PCDHGA3: variants seen among roughly 807,000 people sequenced by gnomAD.
PCDHGA3 encodes protocadherin gamma subfamily A, 3.
A neutral mutation model predicts 58.5 loss-of-function variants in PCDHGA3; 40 were observed. That is an observed-to-expected ratio of 0.68 (90% CI 0.53 to 0.89). The LOEUF is 0.89. PCDHGA3 is among the 40% of genes least tolerant of loss of function. The pLI is 0.00. For missense variants in PCDHGA3, 1,223 were observed against 1,195.9 expected, an observed-to-expected ratio of 1.02 and a Z score of -0.33; for synonymous variants, 530 against 525.7, an observed-to-expected ratio of 1.01 and a Z score of -0.11.
chr5:141,395,241 A>T (rs1398967812), intron 1 of PCDHGA3: 1 of 1,571,196 alleles, frequency 6.4e-7, no homozygotes, highest in East Asian at 2.3e-5. Context: ...TGGTCAGGTG[A>T]GTTTAGTTCT....
intron 1 of PCDHGA3, among the ~76,000 whole-genome samples, chr5:141,354,818 G>A (rs1468435577): frequency 6.6e-6 from 1 of 152,144 alleles, no homozygotes; most frequent in Non-Finnish European, 1.5e-5. Flanking sequence ...AAAGTTTATT[G>A]TACAGGAAGA....
intron 1 of PCDHGA3, chr5:141,405,103 G>T (rs368202826): frequency 3.1e-6 from 5 of 1,613,804 alleles, no homozygotes; most frequent in Non-Finnish European, 4.2e-6. Flanking sequence ...TCAGGCTGAG[G>T]CACTGGCACT....
Position 141,486,772 on chromosome 5 carries a change from T to A in PCDHGA3, c.2425-8035T>A. ...ATGAGCAAACCCAGACACTGCAGTT[T>A]GAGGTGCAGGCCCGGGATCGGGGCA... is the stretch of plus-strand genomic sequence containing the variant. On this transcript the variant is annotated intron_variant, in intron 1 of 3. Coordinates refer to ENST00000253812, the MANE Select transcript of PCDHGA3 (RefSeq NM_018916.4). The surrounding 1 kb of genome is among the most constrained non-coding windows in gnomAD (Gnocchi z 5.0). 1 of 1,614,246 alleles carries A rather than the reference T, an allele frequency of 6.2e-7. No homozygotes were observed. Among genetic ancestry groups the A allele is most frequent in the South Asian group, 1.1e-5 (1 of 91,088 alleles).
At chr5:141,415,285 G>T in intron 1 of PCDHGA3, 1 of 1,614,216 alleles carries the variant, frequency 6.2e-7, no homozygotes. Flanking sequence ...GGTGGCCGCG[G>T]TCTCCTGCGT....
intron 1 of PCDHGA3, chr5:141,362,702 T>A: frequency 9.7e-7 from 1 of 1,031,990 alleles, no homozygotes; most frequent in Non-Finnish European, 1.4e-6. Flanking sequence ...AACTGAATTT[T>A]AAGTGTTTTC....
At chr5:141,350,535 T>C in intron 1 of PCDHGA3, 1 of 1,613,978 alleles carries the variant, frequency 6.2e-7, no homozygotes, top group South Asian at 1.1e-5. Context: ...CGAGAGAAGA[T>C]TTGCGGAAGG....
intron 1 of PCDHGA3, chr5:141,422,851 C>A (rs1459531183): frequency 1.2e-6 from 2 of 1,614,122 alleles, no homozygotes; most frequent in African/African-American, 1.3e-5. Flanking sequence ...CGGGGACCCG[C>A]CCCTCAGCAG....
chr5:141,365,007 C>T (rs776739278), intron 1 of PCDHGA3: 2 of 1,613,804 alleles, frequency 1.2e-6, no homozygotes, highest in African/African-American at 1.3e-5. Context: ...TCCGGCACCA[C>T]GCACATCCGT....
chr5:141,357,181 A>G (rs1760501412), intron 1 of PCDHGA3: 3 of 1,613,644 alleles, frequency 1.9e-6, no homozygotes, highest in Non-Finnish European at 2.5e-6. Context: ...CGTCACACTC[A>G]CTGTGGCTGT....
rs1415142555 is a variant in PCDHGA3, at chr5:141,476,011, A to G, written c.2425-18796A>G. The G allele has an allele frequency of 7.6e-7, 1 of 1,311,282 alleles. No individual in the cohort carries two copies. The highest frequency in any genetic ancestry group is 1.0e-6 in the Non-Finnish European group (1 of 962,238). 81.2% of individuals were successfully genotyped at this position (1,311,282 alleles called of 1,614,324 possible). ...GCAAATCAACGGCATCCAGAAAGCC[A>G]TGTCGGACTCGGCGCCCAGCGCCCA... On this transcript the variant is annotated intron_variant, in intron 1 of 3. Coordinates refer to ENST00000253812, the MANE Select transcript of PCDHGA3 (RefSeq NM_018916.4). This position sits in a 1 kb window ranked among gnomAD's most constrained non-coding sequence, Gnocchi z 7.6.
intron 1 of PCDHGA3, chr5:141,383,809 T>A: frequency 6.2e-7 from 1 of 1,613,966 alleles, no homozygotes; most frequent in South Asian, 1.1e-5. Context: ...AATATCAACT[T>A]TAGAAGGATT....
rs1232635976 is a variant in PCDHGA3, at chr5:141,345,603, C to T, written c.1570C>T (p.Gln524Ter). 1.2e-6 allele frequency: 2 copies of T among 1,614,182 alleles called. No homozygotes were observed. Among genetic ancestry groups the T allele is most frequent in the East Asian group, 2.2e-5 (1 of 44,880 alleles). Residue 524 changes from glutamine (Q) to a stop codon, truncating the protein, a stop_gained, in exon 1 of 4, where the codon CAA becomes TAA. Coordinates refer to ENST00000253812, the MANE Select transcript of PCDHGA3 (RefSeq NM_018916.4). LOFTEE classifies it high-confidence loss of function. Reference protein sequence around the residue: ...LYALRSFDYEQFRDLKLLVTA... With the variant: ...LYALRSFDYE ...CGCGCTGAGATCCTTCGACTACGAG[C>T]AATTTAGAGACTTAAAGCTACTGGT...
chr5:141,505,742 G>A (rs1024914690), intron 3 of PCDHGA3, among the ~76,000 whole-genome samples: 1 of 152,150 alleles, frequency 6.6e-6, no homozygotes, highest in Non-Finnish European at 1.5e-5. Flanking sequence ...TACAAGTCTA[G>A]CTCTGGAATG....
chr5:141,350,877 G>T (rs749871543), intron 1 of PCDHGA3: 1 of 1,614,022 alleles, frequency 6.2e-7, no homozygotes, highest in Non-Finnish European at 8.5e-7. Context: ...AGCTCTCATC[G>T]CTTAATCCTG....
intron 1 of PCDHGA3, chr5:141,385,005 C>A (rs754312286): frequency 6.8e-6 from 11 of 1,614,138 alleles, no homozygotes; most frequent in South Asian, 4.4e-5. Context: ...CAGTCTCCTG[C>A]GTCTTCCTAG....
Position 141,344,905 on chromosome 5 carries a change from T to C in PCDHGA3, c.872T>C (p.Ile291Thr), listed in dbSNP as rs766713915. 4 of 1,613,780 alleles carry C rather than the reference T, an allele frequency of 2.5e-6. No individual in the cohort carries two copies. The highest frequency in any genetic ancestry group is 3.3e-5 in the Admixed American group (2 of 60,008). ...AAAATGCCTGGGAAAATCGCTGAGA[T>C]TTTCCATCTTAACTCAGTGAGTGGA... ...LDKMPGKIAE[I>T]FHLNSVSGEV... The change falls in exon 1 of 4, where the codon ATT becomes ACT. Residue 291 changes from isoleucine (I) to threonine (T), a missense_variant. Ile to Thr is a moderately conservative substitution (Grantham distance 89). Coordinates refer to ENST00000253812, the MANE Select transcript of PCDHGA3 (RefSeq NM_018916.4).
At chr5:141,350,679 G>A (rs1758533866) in intron 1 of PCDHGA3, 1 of 1,613,878 alleles carries the variant, frequency 6.2e-7, no homozygotes, top group African/African-American at 1.3e-5. Flanking sequence ...TTAGAAATTT[G>A]TGAGTCAGCC....
intron 1 of PCDHGA3, chr5:141,423,762 G>T: frequency 2.3e-5 from 6 of 264,236 alleles, no homozygotes; most frequent in Non-Finnish European, 3.4e-5. Context: ...GGGGGGGGGT[G>T]GGGCGGCATA....
At position 141,485,240 on chromosome 5, in the gene PCDHGA3, C is replaced by G; in HGVS notation, c.2425-9567C>G. On this transcript the variant is annotated intron_variant, in intron 1 of 3. Coordinates refer to ENST00000253812, the MANE Select transcript of PCDHGA3 (RefSeq NM_018916.4). This position sits in a 1 kb window ranked among gnomAD's most constrained non-coding sequence, Gnocchi z 5.7. The stretch of plus-strand genomic sequence containing the variant: ...GGCTACCCTTTTGTTCCTCTTTTAC[C>G]ACCTGGGTTACGTTTGTGGGCAGAT... The G allele has an allele frequency of 6.2e-7, 1 of 1,614,174 alleles. No individual in the cohort carries two copies. The highest frequency in any genetic ancestry group is 8.5e-7 in the Non-Finnish European group (1 of 1,180,024).
Sources: allele counts gnomAD v4.1 joint callset (sites outside exome capture counted in the v4.1 genomes callset), GRCh38; gene constraint gnomAD v4.1.1; non-coding constraint Gnocchi (gnomAD v3.1); transcripts MANE v1.5; gene names NCBI Gene and HGNC (gene_info 2026-07-23, HGNC 2026-07-21).